Variants in ICA1 observed in about 807,000 individuals in gnomAD.
The protein encoded by ICA1 is 69 kDa islet cell autoantigen.
In ICA1, 40 loss-of-function variants were observed where a neutral mutation model predicts 71.0. The observed-to-expected ratio is 0.56, with a 90% CI of 0.44 to 0.73. The LOEUF (loss-of-function observed/expected upper bound fraction) is 0.73, where lower values mean the gene tolerates loss of function less well. Among genes scored for constraint, ICA1 ranks in the 30% least tolerant of loss-of-function variants. The probability of loss-of-function intolerance (pLI) is 0.00; values close to 1 mark genes in which losing one functional copy is unlikely to be tolerated. For missense variants in ICA1, 578 were observed against 576.5 expected (o/e 1.00, Z -0.03); for synonymous variants, 207 against 209.5 (o/e 0.99, Z 0.10).
At chr7:8,126,542 A>C (rs1789255644) in intron 13 of ICA1, among the ~76,000 whole-genome samples, 2 of 152,180 alleles carry the variant, frequency 1.3e-5, no homozygotes, top group Non-Finnish European at 2.9e-5. Flanking sequence ...TTCATTTAAA[A>C]AAAAAGACTT....
At chr7:8,139,533 A>G (rs1167474136) in intron 10 of ICA1, among the ~76,000 whole-genome samples, 2 of 152,212 alleles carry the variant, frequency 1.3e-5, no homozygotes, top group Non-Finnish European at 2.9e-5. Context: ...GGAGGGATGA[A>G]TAGTGGAGGA....
chr7:8,208,455 T>C (rs1442189703), intron 6 of ICA1, among the ~76,000 whole-genome samples: 1 of 152,164 alleles, frequency 6.6e-6, no homozygotes, highest in East Asian at 1.9e-4. Context: ...GAAGCATAAA[T>C]ACTTTAAACG....
rs1480054689 is a variant in ICA1, at chr7:8,262,131, T to A, written c.-117A>T. On this transcript the variant is annotated 5_prime_UTR_variant, in exon 1 of 14. Transcript: ENST00000402384. ...GCCCCCAGGAGCCTCCCGGCCGCGG[T>A]CGGAGCGTCCCTCCGGATCACTCAT... is the stretch of plus-strand genomic sequence containing the variant. 2 of 151,900 alleles carry A rather than the reference T, an allele frequency of 1.3e-5. No homozygotes were observed. Among genetic ancestry groups the A allele is most frequent in the African/African-American group, 4.8e-5 (2 of 41,332 alleles). 9.4% of individuals were successfully genotyped at this position (151,900 alleles called of 1,614,324 possible). A position where few individuals can be genotyped will look rare whatever the true frequency, so the allele number is the denominator to read the frequency against.
intron 6 of ICA1, among the ~76,000 whole-genome samples, chr7:8,214,259 T>C (rs1431224629): frequency 1.3e-5 from 2 of 152,208 alleles, no homozygotes; most frequent in African/African-American, 2.4e-5. Context: ...CTCAAGGGCA[T>C]TCAGGCTGCG....
Position 8,226,565 on chromosome 7 carries a change from G to T in ICA1, c.256+2036C>A, listed in dbSNP as rs1403264736. 6.6e-6 allele frequency among the ~76,000 whole-genome samples: 1 copy of T among 151,852 alleles called. No individual in the cohort carries two copies. Among genetic ancestry groups the T allele is most frequent in the East Asian group, 1.9e-4 (1 of 5,178 alleles). On this transcript the variant is annotated intron_variant, in intron 4 of 13. Transcript: ENST00000402384. This position sits in a 1 kb window ranked among gnomAD's most constrained non-coding sequence, Gnocchi z 4.4. ...TAGTTCACAGATTTTCCTCATTTTT[G>T]TGTCTTTGACAGCTACATAGCAACA...
At chr7:8,129,105 C>T (rs909905749) in intron 12 of ICA1, among the ~76,000 whole-genome samples, 3 of 152,196 alleles carry the variant, frequency 2.0e-5, no homozygotes, top group African/African-American at 7.2e-5. Context: ...GCATTACTAT[C>T]AGAAATCTTA....
intron 12 of ICA1, 73 bp downstream of exon 12, chr7:8,138,767 A>T: frequency 8.2e-7 from 1 of 1,219,048 alleles, no homozygotes; most frequent in Non-Finnish European, 1.2e-6. Flanking sequence ...TTAAGATTAC[A>T]CTTTCTTACA....
chr7:8,237,852 A>ACACACACACACC (rs1802374130), intron 1 of ICA1, among the ~76,000 whole-genome samples: 1 of 150,556 alleles, frequency 6.6e-6, no homozygotes, highest in Admixed American at 6.6e-5. Context: ...ACACACACAC[A>ACACACACACACC]CCATTTTCTT....
chr7:8,148,380 T>C (rs1427167952), intron 8 of ICA1, among the ~76,000 whole-genome samples: 1 of 152,168 alleles, frequency 6.6e-6, no homozygotes, highest in African/African-American at 2.4e-5. Flanking sequence ...CCACCAAGAA[T>C]TGGGTAAAGA....
intron 2 of ICA1, among the ~76,000 whole-genome samples, chr7:8,235,464 A>G (rs1801560661): frequency 6.6e-6 from 1 of 152,212 alleles, no homozygotes; most frequent in Admixed American, 6.5e-5. Flanking sequence ...CTGAATGTTC[A>G]GGAAGGTTGA....
intron 5 of ICA1, among the ~76,000 whole-genome samples, chr7:8,219,559 G>A (rs1251558856): frequency 1.3e-5 from 2 of 152,164 alleles, no homozygotes; most frequent in African/African-American, 4.8e-5. Flanking sequence ...GTAAAGTATT[G>A]TTTTTAAATA....
At chr7:8,225,898 A>T (rs1372756935) in intron 4 of ICA1, among the ~76,000 whole-genome samples, 1 of 152,194 alleles carries the variant, frequency 6.6e-6, no homozygotes, top group Non-Finnish European at 1.5e-5. Context: ...GCTAACCCAT[A>T]TTCCTATAAG....
chr7:8,174,448 T>C (rs1387619240), intron 6 of ICA1, among the ~76,000 whole-genome samples: 2 of 152,038 alleles, frequency 1.3e-5, no homozygotes, highest in Non-Finnish European at 2.9e-5. Context: ...TAAATGTGCA[T>C]ATAAAGTTGC....
chr7:8,217,496 A>G (rs1480988181), intron 6 of ICA1, among the ~76,000 whole-genome samples: 1 of 152,226 alleles, frequency 6.6e-6, no homozygotes. Context: ...GGATCATTTG[A>G]AGTGAGTAAG....
intron 6 of ICA1, among the ~76,000 whole-genome samples, chr7:8,178,002 C>T (rs1267681968): frequency 6.6e-6 from 1 of 152,226 alleles, no homozygotes; most frequent in African/African-American, 2.4e-5. Flanking sequence ...AATGTGAGCA[C>T]AGGACCTTCA....
intron 6 of ICA1, among the ~76,000 whole-genome samples, chr7:8,194,132 A>G (rs1314308149): frequency 6.6e-6 from 1 of 152,214 alleles, no homozygotes; most frequent in Non-Finnish European, 1.5e-5. Flanking sequence ...GAACAGAACT[A>G]TTCCAGAACT....
At chr7:8,151,252 G>T (rs552886025) in intron 8 of ICA1, among the ~76,000 whole-genome samples, 57 of 152,314 alleles carry the variant, frequency 3.7e-4, no homozygotes, top group African/African-American at 1.4e-3. Context: ...AGAGAGGTGG[G>T]GGATGGAGAA....
intron 1 of ICA1, among the ~76,000 whole-genome samples, chr7:8,243,405 T>A (rs141888939): frequency 6.6e-6 from 1 of 152,058 alleles, no homozygotes; most frequent in South Asian, 2.1e-4. Flanking sequence ...TAGGTATTGA[T>A]GGAACGTATC....
chr7:8,192,854 A>T (rs1166085253), intron 6 of ICA1, among the ~76,000 whole-genome samples: 3 of 152,214 alleles, frequency 2.0e-5, no homozygotes, highest in Non-Finnish European at 4.4e-5. Flanking sequence ...AAATGATCCC[A>T]TATTTGGCGA....
Sources: allele counts gnomAD v4.1 joint callset (sites outside exome capture counted in the v4.1 genomes callset), GRCh38; gene constraint gnomAD v4.1.1; non-coding constraint Gnocchi (gnomAD v3.1); transcripts MANE v1.5; gene names NCBI Gene and HGNC (gene_info 2026-07-23, HGNC 2026-07-21).